SDK1: variants seen among roughly 807,000 people sequenced by gnomAD.
SDK1 encodes the protein protein sidekick-1.
In SDK1, 157 loss-of-function variants were observed where a neutral mutation model predicts 245.5. That is an observed-to-expected ratio of 0.64 (90% confidence interval 0.56 to 0.73). SDK1 has a LOEUF of 0.73. Among genes scored for constraint, SDK1 ranks in the 30% least tolerant of loss-of-function variants. The pLI, the probability that SDK1 is intolerant of heterozygous loss-of-function variation, is 0.00. For synonymous variants in SDK1, 1,647 were observed against 1,278.5 expected (o/e 1.29, Z -6.15); for missense variants, 3,583 against 3,002.3 (o/e 1.19, Z -4.52).
chr7:4,145,773 C>T lies in SDK1; in HGVS notation c.4280C>T (p.Thr1427Ile), dbSNP rs780455573. ...LASSSPHTFT[T>I]VEVGATVRQF... is the part of the protein sequence containing the mutation. ...AGCAGCAGCCCCCACACCTTCACCA[C>T]CGTGGAGGTCGGCGCCACAGTGAGG... Residue 1427 changes from threonine to isoleucine, a missense_variant, in exon 29 of 45, where the codon ACC becomes ATC. Thr to Ile is a moderately conservative substitution (Grantham distance 89). Coordinates refer to ENST00000404826, the MANE Select transcript of SDK1 (RefSeq NM_152744.4). 9.9e-6 allele frequency: 16 copies of T among 1,613,304 alleles called. No homozygotes were observed. Among genetic ancestry groups the T allele is most frequent in the Non-Finnish European group, 1.4e-5 (16 of 1,179,736 alleles).
rs141129482 is a variant in SDK1, at chr7:3,632,335, C to T, written c.459-6669C>T. 2.5e-3 allele frequency among the ~76,000 whole-genome samples: 380 copies of T among 152,238 alleles called. 3 individuals carry two copies. Among genetic ancestry groups the T allele is most frequent in the South Asian group, 0.018 (86 of 4,826 alleles). On this transcript the variant is annotated intron_variant, in intron 2 of 44. Coordinates refer to ENST00000404826, the MANE Select transcript of SDK1 (RefSeq NM_152744.4). ...TTTATTTTAGAGAAAATCACATAAA[C>T]GGGAATCCCAGAGGAGGAGTCTTGG...
At chr7:3,560,714 C>T (rs1482549008) in intron 1 of SDK1, among the ~76,000 whole-genome samples, 1 of 152,144 alleles carries the variant, frequency 6.6e-6, no homozygotes, top group Non-Finnish European at 1.5e-5. Context: ...AGAGTTCAGA[C>T]CCACGTCTCC....
rs930987715 is a variant in SDK1 at position 3,886,814 on chromosome 7, G to A, written c.848-64109G>A. Among the ~76,000 whole-genome samples the A allele has an allele frequency of 1.3e-5, 2 of 152,248 alleles. 1 individual carries two copies. Among genetic ancestry groups the A allele is most frequent in the South Asian group, 4.1e-4 (2 of 4,820 alleles). ...TCCTGTAGTCTCAACTACTTGGGAG[G>A]CTAAGGCAAGAGGATCACTTGAGCC... On this transcript the variant is annotated intron_variant, in intron 5 of 44. Transcript: ENST00000404826.
rs200815401 is a variant in SDK1, at chr7:4,221,154, G to C, written c.5702-85G>C. 170 of 1,531,710 alleles carry C rather than the reference G, an allele frequency of 1.1e-4. 2 individuals are homozygous for C. In the South Asian group the frequency reaches 1.6e-3, roughly 15 times the overall value. The allele number at this position is 1,531,710 out of a possible 1,614,324, so 94.9% of individuals were successfully genotyped here. On this transcript the variant is annotated intron_variant, in intron 39 of 44. Coordinates refer to ENST00000404826, the MANE Select transcript of SDK1 (RefSeq NM_152744.4). Reference sequence around the variant, plus strand: ...GACACTCTGCAGCCTCGACCGGTCTGACCCCCCACTGTGAAATCTCACGGG... The same window carrying C: ...GACACTCTGCAGCCTCGACCGGTCTCACCCCCCACTGTGAAATCTCACGGG...
chr7:4,245,700 C>G lies in SDK1; in HGVS notation c.6276C>G (p.Gly2092=), dbSNP rs757339898. 1 of 1,613,902 alleles carries G rather than the reference C, an allele frequency of 6.2e-7. No individual in the cohort carries two copies. The highest frequency in any genetic ancestry group is 1.3e-5 in the African/African-American group (1 of 74,938). Residue 2092 remains glycine (G), a synonymous_variant, in exon 44 of 45, where the codon GGC becomes GGG. Coordinates refer to ENST00000404826, the MANE Select transcript of SDK1 (RefSeq NM_152744.4). ...GGTCCCCACCCCGGCCTAGCCCCGG[C>G]GGCCTGCACTACTCAGACGAGGACA... ...GTRSPPRPSP[G]GLHYSDEDIC... is the part of the protein sequence containing the mutation.
intron 40 of SDK1, among the ~76,000 whole-genome samples, chr7:4,226,964 T>G (rs565756985): frequency 2.0e-5 from 3 of 151,444 alleles, no homozygotes; most frequent in Admixed American, 2.0e-4. Flanking sequence ...AAATAATGTG[T>G]GTAGCCCAGA....
At chr7:3,420,876 A>G (rs1779516529) in intron 1 of SDK1, among the ~76,000 whole-genome samples, 1 of 152,108 alleles carries the variant, frequency 6.6e-6, no homozygotes, top group African/African-American at 2.4e-5. Flanking sequence ...CCCCACATGC[A>G]TTAGCTATTT....
chr7:3,801,237 T>C (rs1779099158), intron 4 of SDK1, among the ~76,000 whole-genome samples: 1 of 152,230 alleles, frequency 6.6e-6, no homozygotes, highest in African/African-American at 2.4e-5. Flanking sequence ...TAATATTTCA[T>C]CAATATAACC....
intron 1 of SDK1, among the ~76,000 whole-genome samples, chr7:3,543,661 G>A (rs957522994): frequency 2.0e-5 from 3 of 152,202 alleles, no homozygotes; most frequent in African/African-American, 7.2e-5. Context: ...CAGGCAGAGC[G>A]CTGGGTTTGT....
At chr7:4,018,089 C>T (rs1786564318) in intron 17 of SDK1, among the ~76,000 whole-genome samples, 2 of 152,220 alleles carry the variant, frequency 1.3e-5, no homozygotes, top group African/African-American at 4.8e-5. Flanking sequence ...CAGACCCTCT[C>T]CCAACACAGC....
intron 1 of SDK1, among the ~76,000 whole-genome samples, chr7:3,536,535 C>G (rs1165789757): frequency 1.3e-5 from 2 of 151,580 alleles, no homozygotes; most frequent in African/African-American, 4.8e-5. Context: ...ACAAAAAAAC[C>G]CCACAAAAAT....
intron 4 of SDK1, among the ~76,000 whole-genome samples, chr7:3,803,011 T>C (rs952163524): frequency 3.9e-5 from 6 of 152,240 alleles, no homozygotes; most frequent in African/African-American, 1.4e-4. Context: ...GTGGGTCGAA[T>C]GTAAGTATAT....
rs1788446045 is a variant in SDK1 at position 4,265,988 on chromosome 7, C to G, written c.*604C>G. ...AGTCGGCTTTCAGGTTCCTGACGGC[C>G]AGGCAGGGATGCTAAGGTGTGGCTC... is the stretch of plus-strand genomic sequence containing the variant. On this transcript the variant is annotated 3_prime_UTR_variant, in exon 45 of 45. Coordinates refer to ENST00000404826, the MANE Select transcript of SDK1 (RefSeq NM_152744.4). 2 of 985,626 alleles carry G rather than the reference C, an allele frequency of 2.0e-6. No individual in the cohort carries two copies. The highest frequency in any genetic ancestry group is 4.7e-5 in the South Asian group (1 of 21,292). 61.1% of individuals were successfully genotyped at this position (985,626 alleles called of 1,614,324 possible).
At chr7:4,051,198 T>C in intron 18 of SDK1, among the ~76,000 whole-genome samples, 2 of 141,814 alleles carry the variant, frequency 1.4e-5, no homozygotes, top group African/African-American at 2.6e-5. Flanking sequence ...TATGTGTATA[T>C]ATTATATATG....
intron 1 of SDK1, among the ~76,000 whole-genome samples, chr7:3,584,443 A>G (rs187486182): frequency 2.0e-3 from 299 of 152,246 alleles, no homozygotes; most frequent in Admixed American, 4.0e-3. Context: ...CTTGGATAAA[A>G]TGCTGCAAAC....
At chr7:3,407,763 G>A (rs1779091933) in intron 1 of SDK1, among the ~76,000 whole-genome samples, 1 of 152,144 alleles carries the variant, frequency 6.6e-6, no homozygotes, top group Admixed American at 6.5e-5. Flanking sequence ...GGGTATACAA[G>A]GATAACTAAG....
At chr7:4,182,579 G>A (rs980951466) in intron 35 of SDK1, among the ~76,000 whole-genome samples, 1 of 152,208 alleles carries the variant, frequency 6.6e-6, no homozygotes. Flanking sequence ...TCTCATAGCA[G>A]GGCTGCAGGG....
At chr7:3,610,024 G>A (rs1234005860) in intron 1 of SDK1, among the ~76,000 whole-genome samples, 1 of 152,156 alleles carries the variant, frequency 6.6e-6, no homozygotes, top group African/African-American at 2.4e-5. Flanking sequence ...TGAACCCAGG[G>A]CTCCAAAGTA....
chr7:3,761,704 T>C (rs1046940084), intron 4 of SDK1, among the ~76,000 whole-genome samples: 2 of 151,720 alleles, frequency 1.3e-5, no homozygotes, highest in African/African-American at 4.8e-5. Flanking sequence ...GATACAAGTT[T>C]GATTAGAGAA....
Sources: allele counts gnomAD v4.1 joint callset (sites outside exome capture counted in the v4.1 genomes callset), GRCh38; gene constraint gnomAD v4.1.1; transcripts MANE v1.5; gene names NCBI Gene and HGNC (gene_info 2026-07-23, HGNC 2026-07-21).